PXK: variants seen among roughly 807,000 people sequenced by gnomAD.
PXK encodes the protein PX domain containing serine/threonine kinase like.
PXK carries 35 observed loss-of-function variants against 84.7 expected under a neutral mutation model. The ratio of observed to expected loss-of-function variants is 0.41; its 90% CI spans 0.32 to 0.55. PXK has a LOEUF of 0.55. Among genes scored for constraint, PXK ranks in the 20% least tolerant of loss-of-function variants. The probability of loss-of-function intolerance (pLI) is 0.21; values close to 1 mark genes in which losing one functional copy is unlikely to be tolerated. For missense variants in PXK, 634 were observed against 699.7 expected, an observed-to-expected ratio of 0.91 and a Z score of 1.06; for synonymous variants, 253 against 260.8, an observed-to-expected ratio of 0.97 and a Z score of 0.29.
At chr3:58,350,103 A>G (rs984346053) in intron 1 of PXK, among the ~76,000 whole-genome samples, 1 of 152,160 alleles carries the variant, frequency 6.6e-6, no homozygotes, top group Non-Finnish European at 1.5e-5. Flanking sequence ...GAAATTAACT[A>G]CTATTCAAAT....
intron 3 of PXK, among the ~76,000 whole-genome samples, chr3:58,376,280 T>C (rs2098441422): frequency 6.6e-6 from 1 of 152,114 alleles, no homozygotes; most frequent in Non-Finnish European, 1.5e-5. Flanking sequence ...CCAGGCGTGG[T>C]GGCAGGCACC....
intron 3 of PXK, among the ~76,000 whole-genome samples, chr3:58,378,508 T>TGTGTG (rs1478546551): frequency 6.7e-4 from 19 of 28,528 alleles, no homozygotes; most frequent in African/African-American, 1.4e-3. Flanking sequence ...TTTTTTTTTT[T>TGTGTG]TTTTTGTGTG....
At chr3:58,378,129 G>A (rs2098459248) in intron 3 of PXK, among the ~76,000 whole-genome samples, 2 of 152,188 alleles carry the variant, frequency 1.3e-5, no homozygotes. Flanking sequence ...TTGAAAACAT[G>A]TACGTACTAT....
At chr3:58,417,709 G>A (rs1436368964) in intron 17 of PXK, among the ~76,000 whole-genome samples, 1 of 152,096 alleles carries the variant, frequency 6.6e-6, no homozygotes, top group East Asian at 1.9e-4. Flanking sequence ...TCTTTATCCT[G>A]GTTTATTTCA....
At chr3:58,376,919 C>T (rs1427512404) in intron 3 of PXK, among the ~76,000 whole-genome samples, 1 of 152,172 alleles carries the variant, frequency 6.6e-6, no homozygotes. Flanking sequence ...GGATTACAGG[C>T]ATGAGCCACT....
At chr3:58,357,382 C>T (rs1163802274) in intron 1 of PXK, among the ~76,000 whole-genome samples, 1 of 152,128 alleles carries the variant, frequency 6.6e-6, no homozygotes. Flanking sequence ...CATCCTGTCC[C>T]ACTGGAAGGT....
chr3:58,347,174 T>C (rs1256881604), intron 1 of PXK, among the ~76,000 whole-genome samples: 2 of 152,126 alleles, frequency 1.3e-5, no homozygotes, highest in Non-Finnish European at 2.9e-5. Context: ...GGTCTCACTA[T>C]GTTGTCCCGG....
chr3:58,424,851 C>T lies in PXK; in HGVS notation c.1628C>T (p.Ala543Val), dbSNP rs1211025015. The change falls in exon 18 of 18, where the codon GCT (alanine) becomes GTT (valine). Residue 543 changes from alanine (A) to valine (V), a missense_variant. Physicochemically the swap from Ala to Val is moderately conservative, Grantham distance 64. Around this residue, in one of 3 missense-constraint regions of PXK, gnomAD observed 273 missense variants for 283.6 expected, o/e 0.96. Coordinates refer to ENST00000356151, the MANE Select transcript of PXK (RefSeq NM_017771.5). ...TEAPAQLSSQAVNGMSRGALL... is the reference protein window; with the variant it reads ...TEAPAQLSSQVVNGMSRGALL... ...GCACCTGCCCAGCTCTCGTCTCAGG[C>T]TGTGAATGGCATGAGCCGAGGGGCC... The T allele has an allele frequency of 1.2e-6, 2 of 1,614,234 alleles. No individual in the cohort carries two copies. Among genetic ancestry groups the T allele is most frequent in the South Asian group, 1.1e-5 (1 of 91,084 alleles).
chr3:58,342,239 G>A (rs892796530), intron 1 of PXK, among the ~76,000 whole-genome samples: 3 of 152,130 alleles, frequency 2.0e-5, no homozygotes, highest in Non-Finnish European at 4.4e-5. Flanking sequence ...CACAGGGACT[G>A]CTTCCCTGTT....
At chr3:58,408,603 A>C (rs978824534) in intron 13 of PXK, among the ~76,000 whole-genome samples, 1 of 151,568 alleles carries the variant, frequency 6.6e-6, no homozygotes, top group African/African-American at 2.4e-5. Context: ...GCTCTCTGCA[A>C]GCTCCGCCTC....
intron 1 of PXK, among the ~76,000 whole-genome samples, chr3:58,336,038 CATATATATATATATAT>C (rs1168755178): frequency 2.8e-4 from 12 of 43,158 alleles, no homozygotes; most frequent in East Asian, 2.4e-3. Flanking sequence ...CCTTGGGAAA[CATATATATATATATAT>C]ATATATATAT....
In PXK at chr3:58,375,631, G is replaced by C. The variant is rs369974335; in HGVS notation, c.201+6153G>C. Among the ~76,000 whole-genome samples, 42 of 152,268 alleles carry C rather than the reference G, an allele frequency of 2.8e-4. No homozygotes were observed. In the South Asian group the frequency reaches 3.7e-3, roughly 14 times the overall value. On this transcript the variant is annotated intron_variant, in intron 3 of 17. Coordinates refer to ENST00000356151, the MANE Select transcript of PXK (RefSeq NM_017771.5). ...TGCACTTTCTCTCCATGTCTACGTGGATTTTCTCTGGGTACTCCAGTTTCT... is the reference window on the plus strand; with the variant it reads ...TGCACTTTCTCTCCATGTCTACGTGCATTTTCTCTGGGTACTCCAGTTTCT...
rs1482201693 is a variant in PXK, at chr3:58,425,591, A to C, written c.*631A>C. The C allele has an allele frequency of 6.5e-6, 1 of 152,850 alleles. No individual in the cohort carries two copies. Among genetic ancestry groups the C allele is most frequent in the African/African-American group, 2.4e-5 (1 of 41,466 alleles). The allele number at this position is 152,850 out of a possible 1,614,324, so 9.5% of individuals were successfully genotyped here. ...TTATAGAACTCAGGGCTGCTAAAGCAACTACTCTAGACCCATAGTTCTTTT... is the reference window on the plus strand; with the variant it reads ...TTATAGAACTCAGGGCTGCTAAAGCCACTACTCTAGACCCATAGTTCTTTT... On this transcript the variant is annotated 3_prime_UTR_variant, in exon 18 of 18. Coordinates refer to ENST00000356151, the MANE Select transcript of PXK (RefSeq NM_017771.5).
rs1290788232 is a variant in PXK at position 58,411,662 on chromosome 3, G to C, written c.1466-1239G>C. ...TGCAAAGCTGTGTCACATGAAGCCA[G>C]GTAGGACTCAAGGACTTCAGGATAC... On this transcript the variant is annotated intron_variant, in intron 16 of 17. Coordinates refer to ENST00000356151, the MANE Select transcript of PXK (RefSeq NM_017771.5). The surrounding 1 kb of genome is among the most constrained non-coding windows in gnomAD (Gnocchi z 4.2). 6.6e-6 allele frequency among the ~76,000 whole-genome samples: 1 copy of C among 152,130 alleles called. No individual in the cohort carries two copies. Among genetic ancestry groups the C allele is most frequent in the Non-Finnish European group, 1.5e-5 (1 of 68,028 alleles).
chr3:58,387,938 G>T (rs1319344283), intron 4 of PXK, among the ~76,000 whole-genome samples: 6 of 152,138 alleles, frequency 3.9e-5, no homozygotes, highest in Admixed American at 3.3e-4. Flanking sequence ...AGTGCAGAGA[G>T]ACCCCACACA....
At chr3:58,336,049 ATATATATATATATATATATATAT>A (rs1278181199) in intron 1 of PXK, among the ~76,000 whole-genome samples, 17 of 48,512 alleles carry the variant, frequency 3.5e-4, no homozygotes, top group African/African-American at 1.4e-3. Flanking sequence ...ATATATATAT[ATATATATATATATATATATATAT>A]TTTTTTTTTT....
intron 1 of PXK, among the ~76,000 whole-genome samples, chr3:58,341,132 A>G (rs2097722320): frequency 6.6e-6 from 1 of 152,182 alleles, no homozygotes; most frequent in African/African-American, 2.4e-5. Flanking sequence ...GGAGTATGGA[A>G]CAAGTGCTTT....
intron 1 of PXK, among the ~76,000 whole-genome samples, chr3:58,349,858 CAAACTGCTG>C (rs2097890091): frequency 6.6e-6 from 1 of 152,188 alleles, no homozygotes; most frequent in Admixed American, 6.5e-5. Flanking sequence ...CTGCTCTCTT[CAAACTGCTG>C]AACTGGTTGA....
In PXK at chr3:58,412,809, T is replaced by C. The variant is rs1263400815; in HGVS notation, c.1466-92T>C. 1 of 1,297,672 alleles carries C rather than the reference T, an allele frequency of 7.7e-7. No homozygotes were observed. The highest frequency in any genetic ancestry group is 1.1e-6 in the Non-Finnish European group (1 of 893,252). 80.4% of individuals were successfully genotyped at this position (1,297,672 alleles called of 1,614,324 possible). On this transcript the variant is annotated intron_variant, in intron 16 of 17. Transcript: ENST00000356151. The surrounding 1 kb of genome is among the most constrained non-coding windows in gnomAD (Gnocchi z 6.2). ...CAAGGCTCACACACTAAGCCAAATG[T>C]AGATTCTCAGACAGCAGTGGGTCCC...
Sources: gnomAD v4.1 joint callset for allele counts (sites outside exome capture counted in the v4.1 genomes callset) on GRCh38, gnomAD v4.1.1 for gene constraint, gnomAD v4.1.1 regional missense constraint, Gnocchi (gnomAD v3.1) non-coding constraint, MANE v1.5 for transcripts, NCBI Gene and HGNC (gene_info 2026-07-23, HGNC 2026-07-21) for gene names.